Variants in PKIB observed in about 807,000 individuals in gnomAD.
PKIB encodes the protein PKI-beta.
PKIB carries 2 observed loss-of-function variants against 4.5 expected under a neutral mutation model. The ratio of observed to expected loss-of-function variants is 0.44; its 90% confidence interval spans 0.18 to 1.39. The LOEUF (loss-of-function observed/expected upper bound fraction) is 1.39, where lower values mean the gene tolerates loss of function less well. Among genes scored for constraint, PKIB ranks in the 40% most tolerant of loss-of-function variants. The probability of loss-of-function intolerance (pLI) is 0.27; values close to 1 mark genes in which losing one functional copy is unlikely to be tolerated. For missense variants in PKIB, 94 were observed against 92.6 expected (o/e 1.02, Z -0.06); for synonymous variants, 38 against 36.0 (o/e 1.06, Z -0.20).
At chr6:122,708,605 A>C (rs1779150965) in intron 3 of PKIB, among the ~76,000 whole-genome samples, 1 of 152,104 alleles carries the variant, frequency 6.6e-6, no homozygotes, top group Admixed American at 6.6e-5. Context: ...GCCTTTTTAA[A>C]CAATATCAAC....
At chr6:122,497,694 A>AT (rs1414373191) in intron 2 of PKIB, among the ~76,000 whole-genome samples, 2 of 152,322 alleles carry the variant, frequency 1.3e-5, no homozygotes, top group Non-Finnish European at 2.9e-5. Flanking sequence ...ATAATCAACA[A>AT]TGGAGCACCC....
chr6:122,640,701 T>C (rs1776088864), intron 2 of PKIB, among the ~76,000 whole-genome samples: 1 of 152,204 alleles, frequency 6.6e-6, no homozygotes, highest in African/African-American at 2.4e-5. Context: ...TAGAGCAAGA[T>C]TATGCCAACA....
At chr6:122,587,214 C>T (rs892349709) in intron 3 of PKIB, among the ~76,000 whole-genome samples, 1 of 152,048 alleles carries the variant, frequency 6.6e-6, no homozygotes, top group African/African-American at 2.4e-5. Context: ...ATGTGATGTT[C>T]CCCTTCCTGT....
chr6:122,604,139 A>G (rs1046973119), intron 3 of PKIB, among the ~76,000 whole-genome samples: 131 of 152,358 alleles, frequency 8.6e-4, no homozygotes, highest in African/African-American at 3.1e-3. Flanking sequence ...GAGTTGTCTC[A>G]TTTACTTGAA....
intron 3 of PKIB, chr6:122,701,341 C>A: frequency 1.0e-6 from 1 of 958,808 alleles, no homozygotes; most frequent in Non-Finnish European, 1.6e-6. Flanking sequence ...TGACAGTCAC[C>A]AGGCTAGACA....
intron 3 of PKIB, 90 bp from the exon 4 acceptor site, chr6:122,717,697 G>A: frequency 7.9e-7 from 1 of 1,273,434 alleles, no homozygotes; most frequent in Non-Finnish European, 1.1e-6. Context: ...AGCCTGTTGT[G>A]TTTTTGATCT....
chr6:122,551,723 C>T (rs1374226854), intron 2 of PKIB, among the ~76,000 whole-genome samples: 1 of 152,054 alleles, frequency 6.6e-6, no homozygotes, highest in Non-Finnish European at 1.5e-5. Flanking sequence ...TTCACTTTTC[C>T]ACCCAGTTTT....
intron 1 of PKIB, among the ~76,000 whole-genome samples, chr6:122,616,478 G>T (rs1774994394): frequency 6.6e-6 from 1 of 152,190 alleles, no homozygotes; most frequent in Non-Finnish European, 1.5e-5. Context: ...GGTTCGGTAT[G>T]CAGGGAATCA....
At position 122,725,374 on chromosome 6, in the gene PKIB, G is replaced by A. The variant is rs1042410671; in HGVS notation, c.*179G>A. 1.7e-6 allele frequency: 1 copy of A among 573,810 alleles called. No individual in the cohort carries two copies. Among genetic ancestry groups the A allele is most frequent in the Non-Finnish European group, 3.1e-6 (1 of 319,738 alleles). 35.5% of individuals were successfully genotyped at this position (573,810 alleles called of 1,614,324 possible). On this transcript the variant is annotated 3_prime_UTR_variant, in exon 5 of 5. Transcript: ENST00000368452. ...CTTTGATTGCAATGATGATGTCCAA[G>A]GTAAGCTATTAAAAGGCAGGTTACT...
chr6:122,725,125 C>G lies in PKIB; in HGVS notation c.170-3C>G. The G allele has an allele frequency of 6.3e-7, 1 of 1,595,276 alleles. No individual in the cohort carries two copies. The highest frequency in any genetic ancestry group is 8.5e-7 in the Non-Finnish European group (1 of 1,172,434). On this transcript the variant is annotated splice_polypyrimidine_tract_variant and splice_region_variant and intron_variant, in intron 4 of 4. Coordinates refer to ENST00000368452, the MANE Select transcript of PKIB (RefSeq NM_181795.3). ...CACATATGAATGGAAATTTTTTTTT[C>G]AGATGCAAAAGAGAAAGATGAAAAA... is the stretch of plus-strand genomic sequence containing the variant.
At chr6:122,714,055 G>A (rs1478703663) in intron 3 of PKIB, among the ~76,000 whole-genome samples, 1 of 152,098 alleles carries the variant, frequency 6.6e-6, no homozygotes, top group East Asian at 1.9e-4. Flanking sequence ...GTCTCCAGTG[G>A]TACAATAAAT....
chr6:122,542,208 T>C (rs1486088788), intron 2 of PKIB, among the ~76,000 whole-genome samples: 1 of 152,094 alleles, frequency 6.6e-6, no homozygotes, highest in Non-Finnish European at 1.5e-5. Context: ...CTGTCCAGCT[T>C]TGTTCTGTTG....
chr6:122,518,315 G>T (rs563335447), intron 2 of PKIB, among the ~76,000 whole-genome samples: 1 of 152,142 alleles, frequency 6.6e-6, no homozygotes, highest in South Asian at 2.1e-4. Flanking sequence ...CAAGATTTAA[G>T]GTAATCTAGA....
At chr6:122,701,604 T>A in intron 3 of PKIB, 1 of 1,371,162 alleles carries the variant, frequency 7.3e-7, no homozygotes, top group Non-Finnish European at 1.0e-6. Context: ...CATCAGCAGT[T>A]AGCAGTTCTG....
At chr6:122,655,814 A>T (rs918462635) in intron 2 of PKIB, among the ~76,000 whole-genome samples, 3 of 152,290 alleles carry the variant, frequency 2.0e-5, no homozygotes, top group African/African-American at 7.2e-5. Flanking sequence ...CTAATTATTG[A>T]CTATTATACT....
intron 3 of PKIB, among the ~76,000 whole-genome samples, chr6:122,702,544 T>A (rs1778868483): frequency 1.3e-5 from 2 of 151,930 alleles, no homozygotes; most frequent in African/African-American, 4.8e-5. Context: ...GGTCTCAAAC[T>A]CCTGACCTCA....
At chr6:122,522,748 C>CT (rs1776983986) in intron 2 of PKIB, among the ~76,000 whole-genome samples, 1 of 152,180 alleles carries the variant, frequency 6.6e-6, no homozygotes, top group Non-Finnish European at 1.5e-5. Flanking sequence ...CACCCACTGT[C>CT]TAACCAGTTC....
intron 3 of PKIB, among the ~76,000 whole-genome samples, chr6:122,692,564 G>A (rs888556748): frequency 9.2e-5 from 14 of 151,932 alleles, no homozygotes; most frequent in Admixed American, 3.9e-4. Flanking sequence ...TTCCAGGCTT[G>A]CGACTCACCC....
At chr6:122,587,943 A>G (rs1162381801) in intron 3 of PKIB, among the ~76,000 whole-genome samples, 2 of 152,012 alleles carry the variant, frequency 1.3e-5, no homozygotes, top group Non-Finnish European at 2.9e-5. Context: ...AGATGAGTAG[A>G]TTGCAAAAAT....
Sources: allele counts gnomAD v4.1 joint callset (sites outside exome capture counted in the v4.1 genomes callset), GRCh38; gene constraint gnomAD v4.1.1; transcripts MANE v1.5; gene names NCBI Gene and HGNC (gene_info 2026-07-23, HGNC 2026-07-21).